Variants in FAM107B observed in about 807,000 individuals in gnomAD.
The protein encoded by FAM107B is family with sequence similarity 107 member B.
A neutral mutation model predicts 31.5 loss-of-function variants in FAM107B; 21 were observed. The ratio of observed to expected loss-of-function variants is 0.67; its 90% CI spans 0.47 to 0.96. The LOEUF is 0.96. Among genes scored for constraint, FAM107B ranks in the 40% least tolerant of loss-of-function variants. The pLI, the probability that FAM107B is intolerant of heterozygous loss-of-function variation, is 0.00. For synonymous variants in FAM107B, 157 were observed against 141.5 expected, an observed-to-expected ratio of 1.11 and a Z score of -0.78; for missense variants, 452 against 377.1, an observed-to-expected ratio of 1.20 and a Z score of -1.64.
intron 2 of FAM107B, among the ~76,000 whole-genome samples, chr10:14,549,066 T>C (rs1438158475): frequency 6.6e-6 from 1 of 152,174 alleles, no homozygotes; most frequent in Non-Finnish European, 1.5e-5. Context: ...CTCAATGCCA[T>C]GTGAGGACAC....
intron 2 of FAM107B, among the ~76,000 whole-genome samples, chr10:14,659,433 T>C (rs1854164959): frequency 7.7e-6 from 1 of 129,614 alleles, no homozygotes; most frequent in Admixed American, 8.1e-5. Flanking sequence ...AGAGCAAAAC[T>C]CCGTCTCAAA....
chr10:14,545,277 C>T (rs1168638359), intron 2 of FAM107B, among the ~76,000 whole-genome samples: 1 of 152,130 alleles, frequency 6.6e-6, no homozygotes, highest in Non-Finnish European at 1.5e-5. Context: ...CCTATTTGGA[C>T]GTGTGCTCTT....
rs540221126 is a variant in FAM107B at position 14,543,439 on chromosome 10, C to A, written c.470-12924G>T. Among the ~76,000 whole-genome samples the A allele has an allele frequency of 2.1e-3, 314 of 152,192 alleles. 2 individuals carry two copies. Among genetic ancestry groups the A allele is most frequent in the African/African-American group, 7.2e-3 (297 of 41,524 alleles). ...GAGCATGCAGTCCTGAGCTCGGCCT[C>A]CTGAGCTCGGGAGAGAGGCACGGTG... On this transcript the variant is annotated intron_variant, in intron 2 of 4. Coordinates refer to ENST00000181796, the MANE Select transcript of FAM107B (RefSeq NM_031453.4).
intron 2 of FAM107B, among the ~76,000 whole-genome samples, chr10:14,592,743 A>C (rs1470102037): frequency 6.6e-6 from 1 of 152,234 alleles, no homozygotes; most frequent in Non-Finnish European, 1.5e-5. Flanking sequence ...TCTGGAATGG[A>C]AAAAGAAACA....
At chr10:14,585,942 T>C (rs1361664196) in intron 2 of FAM107B, among the ~76,000 whole-genome samples, 1 of 152,074 alleles carries the variant, frequency 6.6e-6, no homozygotes, top group Non-Finnish European at 1.5e-5. Context: ...GGAAATGCAC[T>C]CTCCCTGCAT....
At chr10:14,763,723 C>G (rs1588764689) in intron 1 of FAM107B, among the ~76,000 whole-genome samples, 1 of 152,348 alleles carries the variant, frequency 6.6e-6, no homozygotes, top group East Asian at 1.9e-4. Context: ...ATCTAAGCCA[C>G]TGGTGACCTT....
At chr10:14,541,326 T>C (rs561678461) in intron 2 of FAM107B, among the ~76,000 whole-genome samples, 3 of 152,304 alleles carry the variant, frequency 2.0e-5, no homozygotes, top group East Asian at 3.9e-4. Flanking sequence ...CTAAACTGCT[T>C]GGCCTTCTGT....
chr10:14,650,019 C>T (rs1050969889), intron 2 of FAM107B, among the ~76,000 whole-genome samples: 1 of 152,104 alleles, frequency 6.6e-6, no homozygotes, highest in Non-Finnish European at 1.5e-5. Context: ...ACACCTGGTC[C>T]GAGGTGGCTG....
intron 1 of FAM107B, among the ~76,000 whole-genome samples, chr10:14,670,503 G>A (rs749431632): frequency 3.1e-4 from 47 of 152,182 alleles, no homozygotes; most frequent in Non-Finnish European, 6.8e-4. Context: ...ATGAAAACAT[G>A]AGGAATTATT....
chr10:14,675,020 C>CTGAT (rs1177775743), intron 1 of FAM107B, among the ~76,000 whole-genome samples: 28 of 152,302 alleles, frequency 1.8e-4, no homozygotes, highest in African/African-American at 6.5e-4. Flanking sequence ...CTTCTCTGCA[C>CTGAT]TGATTTAAGC....
intron 3 of FAM107B, among the ~76,000 whole-genome samples, chr10:14,529,000 A>G (rs1846639696): frequency 6.6e-6 from 1 of 152,214 alleles, no homozygotes; most frequent in Non-Finnish European, 1.5e-5. Flanking sequence ...CTTACACTTT[A>G]TAGATAAGGG....
intron 2 of FAM107B, among the ~76,000 whole-genome samples, chr10:14,593,824 ACTC>A (rs1326522405): frequency 6.6e-6 from 1 of 152,196 alleles, no homozygotes; most frequent in Non-Finnish European, 1.5e-5. Flanking sequence ...TATACAAAGA[ACTC>A]CTCTGCAATA....
At chr10:14,637,279 T>A (rs1321322525) in intron 2 of FAM107B, among the ~76,000 whole-genome samples, 1 of 152,098 alleles carries the variant, frequency 6.6e-6, no homozygotes, top group East Asian at 1.9e-4. Flanking sequence ...CTCCTGGTGT[T>A]CATACCCTAG....
intron 1 of FAM107B, among the ~76,000 whole-genome samples, chr10:14,716,614 T>C (rs1320623981): frequency 6.6e-6 from 1 of 152,172 alleles, no homozygotes; most frequent in Non-Finnish European, 1.5e-5. Flanking sequence ...AGTAAGGAAA[T>C]GGCCACCATG....
intron 2 of FAM107B, chr10:14,556,465 T>C (rs1849708196): frequency 1.0e-6 from 1 of 963,706 alleles, no homozygotes; most frequent in Non-Finnish European, 1.2e-6. Context: ...CAGGCCACAA[T>C]ATTCATATTT....
chr10:14,575,127 G>C (rs536934207), intron 2 of FAM107B, among the ~76,000 whole-genome samples: 3 of 152,150 alleles, frequency 2.0e-5, no homozygotes, highest in Non-Finnish European at 4.4e-5. Context: ...AAAGCAGGTG[G>C]CATATTTTTT....
chr10:14,620,878 T>C lies in FAM107B; in HGVS notation c.469+46756A>G, dbSNP rs536240261. The stretch of plus-strand genomic sequence containing the variant: ...GTTCGATTTCCTTATCAATGTTTTG[T>C]ACTTTCCAGCATACAAACCTTACAT... On this transcript the variant is annotated intron_variant, in intron 2 of 4. Coordinates refer to ENST00000181796, the MANE Select transcript of FAM107B (RefSeq NM_031453.4). 2.0e-5 allele frequency among the ~76,000 whole-genome samples: 3 copies of C among 152,376 alleles called. No individual in the cohort carries two copies. The South Asian group carries it at 6.2e-4, about 32-fold the overall frequency.
intron 2 of FAM107B, among the ~76,000 whole-genome samples, chr10:14,646,483 C>G (rs898693364): frequency 1.3e-5 from 2 of 152,210 alleles, no homozygotes; most frequent in African/African-American, 4.8e-5. Flanking sequence ...CCAGCTCCAT[C>G]AAAGTTGCCC....
At chr10:14,754,803 G>A (rs976922617) in intron 1 of FAM107B, among the ~76,000 whole-genome samples, 1 of 152,224 alleles carries the variant, frequency 6.6e-6, no homozygotes, top group African/African-American at 2.4e-5. Flanking sequence ...CAGCACATCT[G>A]CTGTGTTTCT....
Sources: allele counts gnomAD v4.1 joint callset (sites outside exome capture counted in the v4.1 genomes callset), GRCh38; gene constraint gnomAD v4.1.1; transcripts MANE v1.5; gene names NCBI Gene and HGNC (gene_info 2026-07-23, HGNC 2026-07-21).